Variants in NPM2 observed in about 807,000 individuals in gnomAD.
NPM2 encodes the protein nucleoplasmin-2.
NPM2 carries 25 observed loss-of-function variants against 32.0 expected under a neutral mutation model. The observed-to-expected ratio is 0.78, with a 90% CI of 0.57 to 1.09. The LOEUF is 1.09. NPM2 is among the 50% of genes least tolerant of loss of function. The pLI is 0.00. For synonymous variants in NPM2, 111 were observed against 94.2 expected, an observed-to-expected ratio of 1.18 and a Z score of -1.04; for missense variants, 282 against 259.9, an observed-to-expected ratio of 1.08 and a Z score of -0.58.
At position 22,025,201 on chromosome 8, in the gene NPM2, G is replaced by A. The variant is rs751742326; in HGVS notation, c.-33-15G>A. 1.9e-6 allele frequency: 3 copies of A among 1,595,092 alleles called. No individual in the cohort carries two copies. The highest frequency in any genetic ancestry group is 2.3e-5 in the South Asian group (2 of 88,414). ...GGTCAGGGAGCAAGGCCTCACGCGG[G>A]CGCCCTCCTTGCAGCTGCCCGGCCA... On this transcript the variant is annotated splice_polypyrimidine_tract_variant and intron_variant, in intron 2 of 9. Transcript: ENST00000518119.
Position 22,024,159 on chromosome 8 carries a change from GCGCCT to G in NPM2, c.-598_-594del, listed in dbSNP as rs556608299. 8.7e-4 allele frequency: 133 copies of G among 152,910 alleles called. 1 individual carries two copies. Among genetic ancestry groups the G allele is most frequent in the African/African-American group, 2.9e-3 (122 of 41,578 alleles). 9.5% of individuals were successfully genotyped at this position (152,910 alleles called of 1,614,324 possible). A position where few individuals can be genotyped will look rare whatever the true frequency, so the allele number is the denominator to read the frequency against. ...AGTGTGCTCCCCGCCCCCTGCCGCG[GCGCCT>G]CGCCTCCCGGCTCACCTCCCCACCC... On this transcript the variant is annotated 5_prime_UTR_variant, in exon 1 of 10. Coordinates refer to ENST00000518119, the MANE Select transcript of NPM2 (RefSeq NM_001286680.2).
chr8:22,029,251 C>A (rs1245246914), intron 5 of NPM2, among the ~76,000 whole-genome samples: 3 of 152,158 alleles, frequency 2.0e-5, no homozygotes, highest in Non-Finnish European at 2.9e-5. Flanking sequence ...TCAAGTGATT[C>A]TCCTGCCTCA....
At position 22,029,158 on chromosome 8, in the gene NPM2, C is replaced by T. The variant is rs532336986; in HGVS notation, c.270+3386C>T. Among the ~76,000 whole-genome samples the T allele has an allele frequency of 7.9e-5, 12 of 151,894 alleles. 1 individual carries two copies. The East Asian group carries it at 1.5e-3, about 20-fold the overall frequency. ...TCTCCTTTTTTTATTTTTTTATTTT[C>T]GAAATGGAGTCTCACTTTGTTTCCC... On this transcript the variant is annotated intron_variant, in intron 5 of 9. Coordinates refer to ENST00000518119, the MANE Select transcript of NPM2 (RefSeq NM_001286680.2).
intron 5 of NPM2, among the ~76,000 whole-genome samples, chr8:22,029,438 C>T (rs1389764981): frequency 6.6e-6 from 1 of 152,212 alleles, no homozygotes; most frequent in Non-Finnish European, 1.5e-5. Flanking sequence ...GCTACCGCAC[C>T]TGGCCTGATT....
intron 5 of NPM2, among the ~76,000 whole-genome samples, chr8:22,032,427 C>T (rs933360352): frequency 1.3e-5 from 2 of 152,112 alleles, no homozygotes; most frequent in African/African-American, 2.4e-5. Flanking sequence ...AACCTGGTTA[C>T]GAGTTGGCAC....
In NPM2 at chr8:22,034,453, T is replaced by A. The variant is rs1243206849; in HGVS notation, c.532-57T>A. On this transcript the variant is annotated intron_variant, in intron 7 of 9. Transcript: ENST00000518119. ...GGGGACCTTGTGGACTTTGGGAATC[T>A]GTTCTGGCTCTGGACTTTGTCTGAA... 2.0e-6 allele frequency: 3 copies of A among 1,515,816 alleles called. No individual in the cohort carries two copies. In the African/African-American group the frequency reaches 4.1e-5, roughly 21 times the overall value. The allele number at this position is 1,515,816 out of a possible 1,614,324, so 93.9% of individuals were successfully genotyped here. A position where few individuals can be genotyped will look rare whatever the true frequency, so the allele number is the denominator to read the frequency against.
Position 22,036,859 on chromosome 8 carries a change from G to A in NPM2, c.*177G>A. ...ACTTTCAGGAGGCCCCCAGTGAAGA[G>A]CCCCACCTCGGGGTCACAATAAAGT... On this transcript the variant is annotated 3_prime_UTR_variant, in exon 10 of 10. Transcript: ENST00000518119. The A allele has an allele frequency of 1.6e-6, 1 of 616,474 alleles. No homozygotes were observed. Among genetic ancestry groups the A allele is most frequent in the Non-Finnish European group, 2.7e-6 (1 of 367,248 alleles). The allele number at this position is 616,474 out of a possible 1,614,324, so 38.2% of individuals were successfully genotyped here.
intron 5 of NPM2, among the ~76,000 whole-genome samples, chr8:22,031,715 G>A (rs1362015179): frequency 6.6e-6 from 1 of 152,214 alleles, no homozygotes; most frequent in East Asian, 1.9e-4. Context: ...CAAAGTGCTT[G>A]GATTACAGGC....
At position 22,036,856 on chromosome 8, in the gene NPM2, A is replaced by G; in HGVS notation, c.*174A>G. ...TCCACTTTCAGGAGGCCCCCAGTGA[A>G]GAGCCCCACCTCGGGGTCACAATAA... On this transcript the variant is annotated 3_prime_UTR_variant, in exon 10 of 10. Coordinates refer to ENST00000518119, the MANE Select transcript of NPM2 (RefSeq NM_001286680.2). 1.6e-6 allele frequency: 1 copy of G among 625,950 alleles called. No individual in the cohort carries two copies. Among genetic ancestry groups the G allele is most frequent in the Non-Finnish European group, 2.7e-6 (1 of 374,096 alleles). The allele number at this position is 625,950 out of a possible 1,614,324, so 38.8% of individuals were successfully genotyped here.
At chr8:22,034,657 A>G in intron 8 of NPM2, 113 bp downstream of exon 8, 1 of 865,438 alleles carries the variant, frequency 1.2e-6, no homozygotes, top group Non-Finnish European at 1.8e-6. Context: ...CGGTGTGTCT[A>G]CCTGCACTCG....
At chr8:22,033,069 C>T in intron 5 of NPM2, 61 bp from the exon 6 acceptor site, 1 of 1,219,342 alleles carries the variant, frequency 8.2e-7, no homozygotes, top group Non-Finnish European at 1.2e-6. Context: ...CTGCCTGAGG[C>T]TAGTCCCCGA....
chr8:22,030,102 C>T (rs1250995573), intron 5 of NPM2, among the ~76,000 whole-genome samples: 1 of 152,188 alleles, frequency 6.6e-6, no homozygotes, highest in Non-Finnish European at 1.5e-5. Flanking sequence ...CACTCTGTCC[C>T]CCGTGTTAGC....
chr8:22,026,454 C>G (rs1202837881), intron 5 of NPM2, among the ~76,000 whole-genome samples: 1 of 111,418 alleles, frequency 9.0e-6, no homozygotes, highest in Non-Finnish European at 1.8e-5. Flanking sequence ...CAGTTCTTGC[C>G]TTTTTTTTTT....
chr8:22,026,452 G>A (rs1585508350), intron 5 of NPM2, among the ~76,000 whole-genome samples: 1 of 114,870 alleles, frequency 8.7e-6, no homozygotes, highest in South Asian at 3.0e-4. Flanking sequence ...GGCAGTTCTT[G>A]CCTTTTTTTT....
At chr8:22,025,055 T>A in intron 2 of NPM2, 161 bp from the exon 3 acceptor site, 1 of 584,668 alleles carries the variant, frequency 1.7e-6, no homozygotes. Context: ...AGGAGGTGGG[T>A]ACTCGTCCTC....
chr8:22,030,659 T>C (rs574648759), intron 5 of NPM2, among the ~76,000 whole-genome samples: 1 of 152,190 alleles, frequency 6.6e-6, no homozygotes, highest in Admixed American at 6.5e-5. Context: ...CATATACATA[T>C]ATATATATAT....
chr8:22,026,422 A>C (rs1227301751), intron 5 of NPM2, among the ~76,000 whole-genome samples: 1 of 150,962 alleles, frequency 6.6e-6, no homozygotes, highest in African/African-American at 2.4e-5. Context: ...TTTTCTATGC[A>C]TATAATAATT....
chr8:22,035,521 G>C (rs184617646), intron 8 of NPM2, among the ~76,000 whole-genome samples: 121 of 152,300 alleles, frequency 7.9e-4, no homozygotes, highest in Admixed American at 2.3e-3. Context: ...CAATCCTCCT[G>C]CCTCAGCCTC....
intron 5 of NPM2, 146 bp from the exon 6 acceptor site, chr8:22,032,984 A>G: frequency 1.6e-6 from 1 of 635,912 alleles, no homozygotes; most frequent in South Asian, 1.8e-5. Flanking sequence ...CCAGGTTCAA[A>G]TTCTTGGACA....
Sources: allele counts gnomAD v4.1 joint callset (sites outside exome capture counted in the v4.1 genomes callset), GRCh38; gene constraint gnomAD v4.1.1; transcripts MANE v1.5; gene names NCBI Gene and HGNC (gene_info 2026-07-23, HGNC 2026-07-21).